Variants in VRK2 observed in about 807,000 individuals in gnomAD.
VRK2 encodes serine/threonine-protein kinase VRK2.
In VRK2, 60 loss-of-function variants were observed where a neutral mutation model predicts 57.6. That is an observed-to-expected ratio of 1.04 (90% CI 0.85 to 1.29). The LOEUF is 1.29. Ranked by LOEUF, VRK2 falls within the 50% of genes most tolerant of loss-of-function variation. VRK2 has a pLI of 0.00. For synonymous variants in VRK2, 231 were observed against 199.2 expected, an observed-to-expected ratio of 1.16 and a Z score of -1.35; for missense variants, 705 against 588.1, an observed-to-expected ratio of 1.20 and a Z score of -2.06.
At chr2:58,030,259 A>G (rs956878905) in intron 2 of VRK2, among the ~76,000 whole-genome samples, 1 of 152,102 alleles carries the variant, frequency 6.6e-6, no homozygotes, top group South Asian at 2.1e-4. Context: ...TTTCACACCT[A>G]AATAATCATT....
At chr2:58,146,555 T>G in intron 12 of VRK2, 81 bp downstream of exon 12, 10 of 1,479,894 alleles carry the variant, frequency 6.8e-6, no homozygotes, top group African/African-American at 1.4e-5. Flanking sequence ...ACATCTTATT[T>G]TCTCCTGAGG....
At chr2:58,019,099 G>A (rs1300758133) in intron 1 of VRK2, among the ~76,000 whole-genome samples, 2 of 152,046 alleles carry the variant, frequency 1.3e-5, no homozygotes, top group African/African-American at 4.8e-5. Flanking sequence ...GCAAGGACTA[G>A]GTCTTCCTCA....
At chr2:57,928,636 T>C (rs1359244924) in intron 1 of VRK2, among the ~76,000 whole-genome samples, 1 of 152,216 alleles carries the variant, frequency 6.6e-6, no homozygotes, top group Non-Finnish European at 1.5e-5. Context: ...TAAATATTTA[T>C]TGTAGTCTTC....
In VRK2 at chr2:58,048,852, A is replaced by G. The variant is rs754176759; in HGVS notation, c.21A>G (p.Glu7=). ...AAGTGATGCCACCAAAAAGAAATGAAAAATACAAACTTCCTATTCCATTTC... is the reference window on the plus strand; with the variant it reads ...AAGTGATGCCACCAAAAAGAAATGAGAAATACAAACTTCCTATTCCATTTC... MPPKRN[E]KYKLPIPFPE... is the part of the protein sequence containing the mutation. The change falls in exon 2 of 13, where the codon GAA becomes GAG. Residue 7 remains glutamate, a synonymous_variant. Transcript: ENST00000340157. 5 of 1,613,922 alleles carry G rather than the reference A, an allele frequency of 3.1e-6. No individual in the cohort carries two copies. In the Admixed American group the frequency reaches 8.3e-5, roughly 27 times the overall value.
chr2:58,072,437 G>A (rs926666998), intron 2 of VRK2, among the ~76,000 whole-genome samples: 11 of 151,850 alleles, frequency 7.2e-5, no homozygotes, highest in Non-Finnish European at 8.8e-5. Context: ...AGTTGAGAAA[G>A]TTTCTATCTA....
At chr2:57,959,540 C>T (rs531365648) in intron 1 of VRK2, among the ~76,000 whole-genome samples, 7 of 152,288 alleles carry the variant, frequency 4.6e-5, no homozygotes, top group African/African-American at 4.8e-5. Context: ...CTCCAGTAAG[C>T]TTCTAGTGTT....
intron 1 of VRK2, among the ~76,000 whole-genome samples, chr2:58,016,220 G>A (rs1229594815): frequency 6.6e-6 from 1 of 152,058 alleles, no homozygotes; most frequent in African/African-American, 2.4e-5. Flanking sequence ...ATTTGTTATT[G>A]TATGTAAAGG....
intron 1 of VRK2, among the ~76,000 whole-genome samples, chr2:57,990,063 T>C (rs1488341594): frequency 6.6e-6 from 1 of 152,188 alleles, no homozygotes; most frequent in Non-Finnish European, 1.5e-5. Flanking sequence ...TGGAAAAGAA[T>C]GGCAACTTTT....
At chr2:58,018,937 G>T (rs1044382319) in intron 1 of VRK2, among the ~76,000 whole-genome samples, 10 of 152,128 alleles carry the variant, frequency 6.6e-5, no homozygotes, top group African/African-American at 2.2e-4. Flanking sequence ...CATTAGTTAT[G>T]TGTCCCCTTC....
chr2:57,932,541 TCTC>T (rs1279574336), intron 1 of VRK2, among the ~76,000 whole-genome samples: 1 of 152,036 alleles, frequency 6.6e-6, no homozygotes, highest in African/African-American at 2.4e-5. Context: ...AGCTATAACA[TCTC>T]CTCTTTCATT....
At chr2:57,930,038 T>C (rs1357232085) in intron 1 of VRK2, among the ~76,000 whole-genome samples, 1 of 151,588 alleles carries the variant, frequency 6.6e-6, no homozygotes, top group Admixed American at 6.6e-5. Flanking sequence ...TGGGGAAGAG[T>C]GGCAAAAGCA....
intron 1 of VRK2, among the ~76,000 whole-genome samples, chr2:57,989,162 C>G (rs1672688291): frequency 6.6e-6 from 1 of 152,202 alleles, no homozygotes; most frequent in Non-Finnish European, 1.5e-5. Context: ...ATGAACCACC[C>G]AGCTTCAGTG....
intron 11 of VRK2, among the ~76,000 whole-genome samples, chr2:58,143,808 C>A (rs940631331): frequency 6.6e-6 from 1 of 151,776 alleles, no homozygotes; most frequent in African/African-American, 2.4e-5. Flanking sequence ...TCACAATAAT[C>A]AAGATACAGC....
intron 10 of VRK2, among the ~76,000 whole-genome samples, chr2:58,137,037 CAT>C (rs534001281): frequency 0.012 from 1,501 of 123,926 alleles, 64 homozygotes; most frequent in African/African-American, 0.046. Flanking sequence ...GTATATATAT[CAT>C]ATATAATATA....
At chr2:58,059,152 A>G (rs1356929271) in intron 2 of VRK2, among the ~76,000 whole-genome samples, 1 of 152,034 alleles carries the variant, frequency 6.6e-6, no homozygotes, top group Non-Finnish European at 1.5e-5. Context: ...TGATATTTAT[A>G]GTAAACCTAA....
chr2:58,044,575 T>C (rs943805059), upstream of VRK2, among the ~76,000 whole-genome samples: 2 of 152,166 alleles, frequency 1.3e-5, no homozygotes, highest in Non-Finnish European at 2.9e-5. Flanking sequence ...CAGTAGGTAC[T>C]GGGAAAAATA....
intron 1 of VRK2, among the ~76,000 whole-genome samples, chr2:57,929,523 C>A (rs1670651707): frequency 6.6e-6 from 1 of 152,150 alleles, no homozygotes; most frequent in South Asian, 2.1e-4. Flanking sequence ...GAATCAGGGA[C>A]TGCAAGAGCC....
chr2:57,924,890 T>A (rs957197748), intron 1 of VRK2, among the ~76,000 whole-genome samples: 7 of 151,872 alleles, frequency 4.6e-5, no homozygotes, highest in Non-Finnish European at 1.0e-4. Context: ...CCACCTCCAG[T>A]TTTTTTAGGG....
chr2:58,014,500 C>G (rs1219808734), intron 1 of VRK2, among the ~76,000 whole-genome samples: 2 of 152,164 alleles, frequency 1.3e-5, no homozygotes, highest in African/African-American at 4.8e-5. Context: ...CAGTTAAAAC[C>G]AGGTATAGCC....
Sources: gnomAD v4.1 joint callset for allele counts (sites outside exome capture counted in the v4.1 genomes callset) on GRCh38, gnomAD v4.1.1 for gene constraint, MANE v1.5 for transcripts, NCBI Gene and HGNC (gene_info 2026-07-23, HGNC 2026-07-21) for gene names.